DSC1: variants seen among roughly 807,000 people sequenced by gnomAD.
DSC1 encodes the protein desmocollin 1.
DSC1 carries 79 observed loss-of-function variants against 98.8 expected under a neutral mutation model. The ratio of observed to expected loss-of-function variants is 0.80; its 90% CI spans 0.67 to 0.96. DSC1 has a LOEUF of 0.96. Ranked by LOEUF, DSC1 falls within the 50% of genes least tolerant of loss-of-function variation. The pLI is 0.00. For synonymous variants in DSC1, 405 were observed against 372.1 expected (o/e 1.09, Z -1.02); for missense variants, 1,115 against 1,075.9 (o/e 1.04, Z -0.51).
At chr18:31,151,514 A>T (rs1346282002) in intron 5 of DSC1, among the ~76,000 whole-genome samples, 1 of 152,242 alleles carries the variant, frequency 6.6e-6, no homozygotes, top group Non-Finnish European at 1.5e-5. Context: ...ACAATAAAAA[A>T]TAATTTAGAA....
chr18:31,143,829 T>A, intron 7 of DSC1, 38 bp from the exon 8 acceptor site: 1 of 1,490,888 alleles, frequency 6.7e-7, no homozygotes, highest in Non-Finnish European at 8.9e-7. Context: ...TGAACACTTT[T>A]ATTTCCTATA....
At chr18:31,138,229 T>G (rs1412631946) in intron 11 of DSC1, among the ~76,000 whole-genome samples, 1 of 152,138 alleles carries the variant, frequency 6.6e-6, no homozygotes, top group Non-Finnish European at 1.5e-5. Context: ...TTTTAAATAC[T>G]TTGTTCTCCA....
intron 5 of DSC1, among the ~76,000 whole-genome samples, chr18:31,153,275 CAA>C (rs1989035293): frequency 6.6e-6 from 1 of 152,016 alleles, no homozygotes; most frequent in South Asian, 2.1e-4. Context: ...TATATCTCCT[CAA>C]GAGTGACTTC....
intron 14 of DSC1, 50 bp downstream of exon 14, chr18:31,132,515 TCTG>T: frequency 6.3e-7 from 1 of 1,598,802 alleles, no homozygotes; most frequent in Non-Finnish European, 8.5e-7. Flanking sequence ...TGAGTAATAA[TCTG>T]TCATCATTTG....
intron 5 of DSC1, among the ~76,000 whole-genome samples, chr18:31,152,124 T>G (rs138629004): frequency 6.6e-6 from 1 of 151,736 alleles, no homozygotes. Context: ...ATCGGATTAC[T>G]GCACTCCAGC....
At chr18:31,159,743 T>C (rs534942764) in intron 1 of DSC1, among the ~76,000 whole-genome samples, 33 of 152,310 alleles carry the variant, frequency 2.2e-4, no homozygotes, top group African/African-American at 7.2e-4. Flanking sequence ...AAAAATTAAG[T>C]GAATAGTAGT....
intron 7 of DSC1, among the ~76,000 whole-genome samples, 195 bp downstream of exon 7, chr18:31,145,416 G>C (rs1324143059): frequency 6.6e-6 from 1 of 152,176 alleles, no homozygotes; most frequent in Non-Finnish European, 1.5e-5. Context: ...GTGATTTCAA[G>C]TGAGGCCCTG....
chr18:31,157,523 G>C lies in DSC1; in HGVS notation c.199C>G (p.Pro67Ala). The change falls in exon 3 of 16, where the codon CCT becomes GCT. Residue 67 changes from proline (P) to alanine (A), a missense_variant. Coordinates refer to ENST00000257198, the MANE Select transcript of DSC1 (RefSeq NM_024421.2). ...CCATCTTCTAGAATTCTGAAGGCAG[G>C]GTCACTGGACCGGATTAGGCTGGCC... ...KSASLIRSSD[P>A]AFRILEDGSI... 6.2e-7 allele frequency: 1 copy of C among 1,614,178 alleles called. No homozygotes were observed. The highest frequency in any genetic ancestry group is 1.7e-5 in the Admixed American group (1 of 60,018).
intron 5 of DSC1, among the ~76,000 whole-genome samples, chr18:31,150,327 C>T (rs200261132): frequency 9.7e-6 from 1 of 103,284 alleles, no homozygotes; most frequent in Non-Finnish European, 2.0e-5. Flanking sequence ...ACCATCATCA[C>T]CACCACCACT....
chr18:31,145,483 C>G, intron 7 of DSC1, 128 bp downstream of exon 7: 2 of 978,354 alleles, frequency 2.0e-6, no homozygotes, highest in Non-Finnish European at 3.0e-6. Context: ...TCCAGAGAAG[C>G]CCTAACCGCA....
At chr18:31,138,274 A>T (rs1054395869) in intron 11 of DSC1, among the ~76,000 whole-genome samples, 8 of 151,964 alleles carry the variant, frequency 5.3e-5, no homozygotes, top group Non-Finnish European at 8.8e-5. Context: ...TTTTATTTTT[A>T]AAAAATTAGG....
chr18:31,139,712 T>C (rs1265859516), intron 11 of DSC1, 36 bp downstream of exon 11: 2 of 1,523,666 alleles, frequency 1.3e-6, no homozygotes, highest in East Asian at 2.3e-5. Context: ...AAACATGTCA[T>C]ATATTTATAT....
Position 31,131,577 on chromosome 18 carries a change from A to G in DSC1, c.2487+17T>C, listed in dbSNP as rs1988488880. ...TTAACTTCCATGTAATATGACCTCAAAGACAGTGGAACTTACTTCGCCAAG... is the reference window on the plus strand; with the variant it reads ...TTAACTTCCATGTAATATGACCTCAGAGACAGTGGAACTTACTTCGCCAAG... On this transcript the variant is annotated intron_variant, in intron 15 of 15. Coordinates refer to ENST00000257198, the MANE Select transcript of DSC1 (RefSeq NM_024421.2). 2 of 1,613,752 alleles carry G rather than the reference A, an allele frequency of 1.2e-6. No individual in the cohort carries two copies. The highest frequency in any genetic ancestry group is 2.7e-5 in the African/African-American group (2 of 75,034).
At position 31,129,749 on chromosome 18, in the gene DSC1, A is replaced by T. The variant is rs1988443774; in HGVS notation, c.*765T>A. The T allele has an allele frequency of 6.6e-6, 1 of 152,164 alleles. No homozygotes were observed. The highest frequency in any genetic ancestry group is 2.4e-5 in the African/African-American group (1 of 41,440). The allele number at this position is 152,164 out of a possible 1,614,324, so 9.4% of individuals were successfully genotyped here. A position where few individuals can be genotyped will look rare whatever the true frequency, so the allele number is the denominator to read the frequency against. Reference sequence around the variant, plus strand: ...GAAACATATTTGTGAGCATAAGTCAACCCATGGACCTCAGGGCTGCAATTC... The same window carrying T: ...GAAACATATTTGTGAGCATAAGTCATCCCATGGACCTCAGGGCTGCAATTC... On this transcript the variant is annotated 3_prime_UTR_variant, in exon 16 of 16. Coordinates refer to ENST00000257198, the MANE Select transcript of DSC1 (RefSeq NM_024421.2).
chr18:31,147,247 T>C (rs1988865837), intron 6 of DSC1, among the ~76,000 whole-genome samples: 1 of 152,196 alleles, frequency 6.6e-6, no homozygotes, highest in South Asian at 2.1e-4. Context: ...GATATATTTC[T>C]GGTTCCTTGA....
rs73954542 is a variant in DSC1, at chr18:31,131,183, A to G, written c.2487+411T>C. 9.5e-3 allele frequency among the ~76,000 whole-genome samples: 1,443 copies of G among 152,342 alleles called. 22 individuals carry two copies. The highest frequency in any genetic ancestry group is 0.033 in the African/African-American group (1,392 of 41,566). ...AACTAAAACTCAAAATAAAAGCTCA[A>G]CAATTTATCTGGTTGATTTTGATAG... On this transcript the variant is annotated intron_variant, in intron 15 of 15. Transcript: ENST00000257198.
At chr18:31,149,869 A>G (rs865778595) in intron 5 of DSC1, among the ~76,000 whole-genome samples, 1 of 152,184 alleles carries the variant, frequency 6.6e-6, no homozygotes, top group Non-Finnish European at 1.5e-5. Context: ...TTTTTCTCCA[A>G]GTAACTTCCA....
In DSC1 at chr18:31,134,575, C is replaced by T; in HGVS notation, c.1873G>A (p.Asp625Asn). 6.2e-7 allele frequency: 1 copy of T among 1,606,122 alleles called. No homozygotes were observed. ...ASKNWNIEEKDGKTAILRQRQ... is the reference protein window; with the variant it reads ...ASKNWNIEEKNGKTAILRQRQ... ...AAAATTTAGCATGATTACATACCAT[C>T]CTTTTCTTCTATGTTCCAGTTTTTA... Residue 625 changes from aspartate (D) to asparagine (N), a missense_variant, in exon 12 of 16, where the codon GAT becomes AAT. Transcript: ENST00000257198.
Position 31,140,056 on chromosome 18 carries a change from A to G in DSC1, c.1506T>C (p.Ser502=), listed in dbSNP as rs750620274. ...GYKALDPEIS[S]GEGLRYQKLG... ...AAGTACATCACCTTAAGCCTTCACC[A>G]CTGGATATTTCCGGGTCCAGTGCTT... Residue 502 remains serine, a synonymous_variant, in exon 10 of 16, where the codon AGT becomes AGC. Transcript: ENST00000257198. 14 of 1,613,788 alleles carry G rather than the reference A, an allele frequency of 8.7e-6. No individual in the cohort carries two copies. The Admixed American group carries it at 1.7e-4, about 19-fold the overall frequency.
Sources: allele counts gnomAD v4.1 joint callset (sites outside exome capture counted in the v4.1 genomes callset), GRCh38; gene constraint gnomAD v4.1.1; transcripts MANE v1.5; gene names NCBI Gene and HGNC (gene_info 2026-07-23, HGNC 2026-07-21).